The following PAK5 variants were observed in gnomAD, a reference collection of about 807,000 sequenced individuals.
PAK5 encodes the protein p21 (RAC1) activated kinase 5.
Under a neutral mutation model 65.9 loss-of-function variants are expected in PAK5, and 16 were observed. The ratio of observed to expected loss-of-function variants is 0.24; its 90% CI spans 0.16 to 0.37. PAK5 has a LOEUF of 0.37. PAK5 is among the 10% of genes least tolerant of loss of function. The pLI, the probability that PAK5 is intolerant of heterozygous loss-of-function variation, is 1.00. For synonymous variants in PAK5, 371 were observed against 354.9 expected (o/e 1.05, Z -0.51); for missense variants, 785 against 903.9 (o/e 0.87, Z 1.69).
chr20:9,540,885 C>T (rs1352713940), intron 9 of PAK5, among the ~76,000 whole-genome samples: 6 of 151,938 alleles, frequency 3.9e-5, no homozygotes, highest in East Asian at 1.9e-4. Context: ...TACAGGCACC[C>T]GCCACCATGC....
intron 1 of PAK5, among the ~76,000 whole-genome samples, chr20:9,827,094 C>T (rs1978338674): frequency 1.3e-5 from 2 of 152,152 alleles, no homozygotes; most frequent in South Asian, 4.1e-4. Context: ...TAATCTTTCT[C>T]TCTACCTCTT....
At chr20:9,556,292 A>C (rs961567666) in intron 7 of PAK5, among the ~76,000 whole-genome samples, 3 of 152,248 alleles carry the variant, frequency 2.0e-5, no homozygotes, top group Non-Finnish European at 4.4e-5. Flanking sequence ...AAAAATCGGT[A>C]ATGGGATTAG....
At position 9,746,612 on chromosome 20, in the gene PAK5, A is replaced by G. The variant is rs2048511157; in HGVS notation, c.-161-35177T>C. 2.0e-5 allele frequency among the ~76,000 whole-genome samples: 3 copies of G among 152,158 alleles called. No individual in the cohort carries two copies. The South Asian group carries it at 6.2e-4, about 31-fold the overall frequency. ...GTTCCATAAAAAAAGATAATTATGC[A>G]CTAATTCATTAGCCATTAGCCACAG... On this transcript the variant is annotated intron_variant, in intron 1 of 9. Coordinates refer to ENST00000353224, the MANE Select transcript of PAK5 (RefSeq NM_177990.4).
chr20:9,799,210 C>T (rs1216718462), intron 1 of PAK5, among the ~76,000 whole-genome samples: 3 of 152,092 alleles, frequency 2.0e-5, no homozygotes, highest in African/African-American at 7.2e-5. Flanking sequence ...GCACAATGGC[C>T]TTCCAAACAC....
At chr20:9,722,607 C>T (rs1242532315) in intron 1 of PAK5, among the ~76,000 whole-genome samples, 2 of 151,986 alleles carry the variant, frequency 1.3e-5, no homozygotes, top group Non-Finnish European at 2.9e-5. Flanking sequence ...AGCGAGACTC[C>T]GTCTCAAATA....
chr20:9,746,254 AG>A (rs1013173853), intron 1 of PAK5, among the ~76,000 whole-genome samples: 1 of 152,092 alleles, frequency 6.6e-6, no homozygotes, highest in African/African-American at 2.4e-5. Flanking sequence ...TTTCCCATTG[AG>A]GGCTGCCTCC....
intron 7 of PAK5, among the ~76,000 whole-genome samples, chr20:9,554,076 G>T (rs1427695842): frequency 6.6e-6 from 1 of 152,188 alleles, no homozygotes; most frequent in Non-Finnish European, 1.5e-5. Flanking sequence ...AAAGGCCAAT[G>T]ATGTTGAACA....
At chr20:9,565,169 G>A (rs982682419) in intron 5 of PAK5, among the ~76,000 whole-genome samples, 2 of 151,814 alleles carry the variant, frequency 1.3e-5, no homozygotes, top group East Asian at 1.9e-4. Context: ...TAGTATTCAT[G>A]TTAATATTAA....
chr20:9,745,386 C>T lies in PAK5; in HGVS notation c.-161-33951G>A, dbSNP rs527274752. ...TCACAGTTCATCCTCTTAGAACAAGCTTGTAGAACTGTGACATTGGTGACT... is the reference window on the plus strand; with the variant it reads ...TCACAGTTCATCCTCTTAGAACAAGTTTGTAGAACTGTGACATTGGTGACT... On this transcript the variant is annotated intron_variant, in intron 1 of 9. Transcript: ENST00000353224. Among the ~76,000 whole-genome samples the T allele has an allele frequency of 7.2e-5, 11 of 151,750 alleles. 1 individual carries two copies. Among genetic ancestry groups the T allele is most frequent in the Admixed American group, 3.3e-4 (5 of 15,236 alleles).
In PAK5 at chr20:9,539,068, CT is replaced by C; in HGVS notation, c.*393del. On this transcript the variant is annotated 3_prime_UTR_variant, in exon 10 of 10. Coordinates refer to ENST00000353224, the MANE Select transcript of PAK5 (RefSeq NM_177990.4). Reference sequence around the variant, plus strand: ...TACTGCTACCATTAAGAAAAAAGTGCTTTTTGTTTTCCTTTCTTTCTTTTTT... The same window carrying C: ...TACTGCTACCATTAAGAAAAAAGTGCTTTTGTTTTCCTTTCTTTCTTTTTT... The C allele has an allele frequency of 4.3e-6, 1 of 232,362 alleles. No individual in the cohort carries two copies. The highest frequency in any genetic ancestry group is 8.4e-6 in the Non-Finnish European group (1 of 119,316). 14.4% of individuals were successfully genotyped at this position (232,362 alleles called of 1,614,324 possible). A position where few individuals can be genotyped will look rare whatever the true frequency, so the allele number is the denominator to read the frequency against.
chr20:9,702,493 C>T (rs74489981), intron 2 of PAK5, among the ~76,000 whole-genome samples: 1,612 of 152,198 alleles, frequency 0.011, 14 homozygotes, highest in Middle Eastern at 0.041. Flanking sequence ...GGTAGATATG[C>T]AATCACGATG....
At chr20:9,614,616 G>A (rs2046622496) in intron 3 of PAK5, among the ~76,000 whole-genome samples, 1 of 152,160 alleles carries the variant, frequency 6.6e-6, no homozygotes, top group African/African-American at 2.4e-5. Flanking sequence ...AGGAACAAAG[G>A]TAAGAATTTC....
Position 9,785,001 on chromosome 20 carries a change from C to T in PAK5, c.-162+53761G>A, listed in dbSNP as rs115592441. On this transcript the variant is annotated intron_variant, in intron 1 of 9. Coordinates refer to ENST00000353224, the MANE Select transcript of PAK5 (RefSeq NM_177990.4). ...TATAGTACCTCCTTTCCAATAATTT[C>T]AGTAAGCCGTCATATTATACTAGAT... 6.6e-3 allele frequency among the ~76,000 whole-genome samples: 1,004 copies of T among 151,986 alleles called. 14 individuals carry two copies. The highest frequency in any genetic ancestry group is 0.023 in the African/African-American group (963 of 41,464).
intron 3 of PAK5, among the ~76,000 whole-genome samples, chr20:9,603,781 T>G (rs2123116807): frequency 6.6e-6 from 1 of 152,270 alleles, no homozygotes; most frequent in East Asian, 1.9e-4. Context: ...AACAACCGTA[T>G]GAGATTTGCA....
intron 1 of PAK5, among the ~76,000 whole-genome samples, chr20:9,804,818 G>C (rs909595461): frequency 3.9e-5 from 6 of 152,192 alleles, no homozygotes; most frequent in African/African-American, 1.4e-4. Context: ...GGAGGCTGAG[G>C]TGGAAGGATT....
chr20:9,571,335 C>T (rs2045777034), intron 4 of PAK5, among the ~76,000 whole-genome samples: 1 of 152,352 alleles, frequency 6.6e-6, no homozygotes, highest in Non-Finnish European at 1.5e-5. Context: ...CACACACTTT[C>T]AACAGGTCTT....
intron 1 of PAK5, among the ~76,000 whole-genome samples, chr20:9,774,808 T>C (rs2048869600): frequency 6.7e-6 from 1 of 150,042 alleles, no homozygotes; most frequent in Non-Finnish European, 1.5e-5. Context: ...GAAAGAAAAA[T>C]AGCCAGGTGT....
At chr20:9,775,038 T>G (rs561469930) in intron 1 of PAK5, among the ~76,000 whole-genome samples, 1 of 152,118 alleles carries the variant, frequency 6.6e-6, no homozygotes, top group African/African-American at 2.4e-5. Context: ...CACAGCAGTA[T>G]GTACTTTCTA....
intron 5 of PAK5, among the ~76,000 whole-genome samples, chr20:9,565,011 C>T (rs564234059): frequency 6.6e-6 from 1 of 151,654 alleles, no homozygotes; most frequent in South Asian, 2.1e-4. Context: ...AAAGTTACCT[C>T]AAATTTATTA....
Sources: allele counts gnomAD v4.1 joint callset (sites outside exome capture counted in the v4.1 genomes callset), GRCh38; gene constraint gnomAD v4.1.1; transcripts MANE v1.5; gene names NCBI Gene and HGNC (gene_info 2026-07-23, HGNC 2026-07-21).